Variants in STK39 observed in about 807,000 individuals in gnomAD.
STK39 encodes the protein serine/threonine kinase 39.
A neutral mutation model predicts 77.8 loss-of-function variants in STK39; 20 were observed. That is an observed-to-expected ratio of 0.26 (90% CI 0.18 to 0.37). The LOEUF is 0.37. STK39 is among the 10% of genes least tolerant of loss of function. The pLI is 1.00. For synonymous variants in STK39, 246 were observed against 234.1 expected (o/e 1.05, Z -0.47); for missense variants, 479 against 656.5 (o/e 0.73, Z 2.95).
chr2:168,028,027 G>T (rs1220465043), intron 14 of STK39, among the ~76,000 whole-genome samples: 1 of 152,158 alleles, frequency 6.6e-6, no homozygotes, highest in Non-Finnish European at 1.5e-5. Context: ...AAGTTAAGGT[G>T]ATTTTCTCTG....
intron 14 of STK39, among the ~76,000 whole-genome samples, chr2:168,035,584 G>T (rs1684931025): frequency 6.6e-6 from 1 of 152,090 alleles, no homozygotes; most frequent in African/African-American, 2.4e-5. Context: ...AATGAAAGAA[G>T]AAAAACCGTT....
intron 1 of STK39, among the ~76,000 whole-genome samples, chr2:168,192,160 CT>C (rs1233485479): frequency 6.6e-6 from 1 of 152,170 alleles, no homozygotes; most frequent in Non-Finnish European, 1.5e-5. Context: ...AAGCGTGTCC[CT>C]TCTCCCTCCC....
chr2:168,132,395 G>C (rs1167738317), intron 8 of STK39, among the ~76,000 whole-genome samples: 1 of 151,400 alleles, frequency 6.6e-6, no homozygotes, highest in South Asian at 2.1e-4. Context: ...GCAAATTAGC[G>C]TCTTAAAAAA....
chr2:168,243,450 G>C (rs548097830), intron 1 of STK39, among the ~76,000 whole-genome samples: 1 of 152,258 alleles, frequency 6.6e-6, no homozygotes, highest in East Asian at 1.9e-4. Context: ...CAAATTCTTC[G>C]TGTTGACTAA....
chr2:168,045,111 T>C (rs1685205056), intron 14 of STK39, among the ~76,000 whole-genome samples: 1 of 152,108 alleles, frequency 6.6e-6, no homozygotes, highest in South Asian at 2.1e-4. Context: ...TTGCATCTTA[T>C]AAGTGACCAA....
chr2:168,187,157 C>T (rs948022931), intron 1 of STK39, among the ~76,000 whole-genome samples: 16 of 152,092 alleles, frequency 1.1e-4, no homozygotes, highest in African/African-American at 3.4e-4. Flanking sequence ...TTGAGACCAG[C>T]CTGACCAGCA....
intron 16 of STK39, among the ~76,000 whole-genome samples, chr2:168,006,156 A>G (rs1047843900): frequency 6.6e-6 from 1 of 152,208 alleles, no homozygotes; most frequent in African/African-American, 2.4e-5. Flanking sequence ...CAGTGGGCAC[A>G]TTTCTGAAAG....
intron 1 of STK39, among the ~76,000 whole-genome samples, chr2:168,235,968 C>T (rs1251822935): frequency 1.3e-5 from 2 of 151,894 alleles, no homozygotes; most frequent in East Asian, 3.9e-4. Context: ...GGGTATATAC[C>T]CAGTAATGGA....
At position 168,129,521 on chromosome 2, in the gene STK39, T is replaced by C. The variant is rs200536762; in HGVS notation, c.1089+20A>G. 2 of 1,613,942 alleles carry C rather than the reference T, an allele frequency of 1.2e-6. No individual in the cohort carries two copies. The highest frequency in any genetic ancestry group is 1.7e-6 in the Non-Finnish European group (2 of 1,179,902). On this transcript the variant is annotated intron_variant, in intron 10 of 17. Transcript: ENST00000355999. ...CTGGGGATTGGTTCCTACAGGGTCA[T>C]GAAGGCTAATGGCACTTACCTTTTT...
At chr2:168,027,863 C>T (rs559492516) in intron 14 of STK39, among the ~76,000 whole-genome samples, 14 of 152,262 alleles carry the variant, frequency 9.2e-5, no homozygotes, top group South Asian at 8.3e-4. Context: ...CAGCTGACAC[C>T]GACACTAGCA....
chr2:167,956,818 G>C (rs1424878317), intron 17 of STK39, among the ~76,000 whole-genome samples: 1 of 147,532 alleles, frequency 6.8e-6, no homozygotes, highest in Non-Finnish European at 1.5e-5. Context: ...AGAACAACAA[G>C]GAAGGGAGAA....
chr2:168,044,834 C>A (rs1324787985), intron 14 of STK39, among the ~76,000 whole-genome samples: 1 of 152,114 alleles, frequency 6.6e-6, no homozygotes, highest in East Asian at 1.9e-4. Context: ...GAATGTAAAC[C>A]AACCAACCAT....
intron 10 of STK39, among the ~76,000 whole-genome samples, chr2:168,102,435 C>T (rs191546726): frequency 1.3e-4 from 20 of 152,274 alleles, no homozygotes; most frequent in African/African-American, 4.8e-4. Flanking sequence ...ATCCGTATTC[C>T]TGTTGGGTAT....
intron 10 of STK39, among the ~76,000 whole-genome samples, chr2:168,103,562 TA>T (rs1240647233): frequency 6.6e-6 from 1 of 152,182 alleles, no homozygotes; most frequent in Non-Finnish European, 1.5e-5. Flanking sequence ...AAGAGAAAGA[TA>T]GTTAGGGCCC....
At chr2:168,033,448 G>A (rs960893597) in intron 14 of STK39, among the ~76,000 whole-genome samples, 15 of 152,192 alleles carry the variant, frequency 9.9e-5, no homozygotes, top group African/African-American at 3.6e-4. Flanking sequence ...GGTGGGTTCA[G>A]CTCAGACAAG....
intron 5 of STK39, among the ~76,000 whole-genome samples, chr2:168,143,846 T>TAAAAAG (rs1688060577): frequency 6.6e-6 from 1 of 152,212 alleles, no homozygotes; most frequent in Non-Finnish European, 1.5e-5. Context: ...TGACTTACTT[T>TAAAAAG]TTATTCCCTG....
At chr2:168,071,871 A>AC (rs1458477310) in intron 12 of STK39, among the ~76,000 whole-genome samples, 1 of 105,832 alleles carries the variant, frequency 9.4e-6, no homozygotes, top group East Asian at 2.6e-4. Flanking sequence ...CTCCATCTCA[A>AC]AAAAAAAAAA....
intron 10 of STK39, among the ~76,000 whole-genome samples, chr2:168,106,600 G>A (rs769995392): frequency 2.6e-5 from 4 of 152,034 alleles, no homozygotes; most frequent in Non-Finnish European, 5.9e-5. Flanking sequence ...CAGGAGGATC[G>A]CTTGAGCTCA....
At chr2:168,036,969 A>G (rs1273765706) in intron 14 of STK39, among the ~76,000 whole-genome samples, 1 of 152,224 alleles carries the variant, frequency 6.6e-6, no homozygotes, top group Non-Finnish European at 1.5e-5. Flanking sequence ...AGAATAACCT[A>G]ATTTCTTTCT....
Sources: allele counts gnomAD v4.1 joint callset (sites outside exome capture counted in the v4.1 genomes callset), GRCh38; gene constraint gnomAD v4.1.1; transcripts MANE v1.5; gene names NCBI Gene and HGNC (gene_info 2026-07-23, HGNC 2026-07-21).